The following ILKAP variants were observed in gnomAD, a reference collection of about 807,000 sequenced individuals.
ILKAP encodes the protein integrin-linked kinase-associated serine/threonine phosphatase 2C.
In ILKAP, 11 loss-of-function variants were observed where a neutral mutation model predicts 49.1. The ratio of observed to expected loss-of-function variants is 0.22; its 90% CI spans 0.14 to 0.37. ILKAP has a LOEUF of 0.37. ILKAP is among the 10% of genes least tolerant of loss of function. ILKAP has a pLI of 1.00. For missense variants in ILKAP, 363 were observed against 510.8 expected, an observed-to-expected ratio of 0.71 and a Z score of 2.79; for synonymous variants, 186 against 192.8, an observed-to-expected ratio of 0.96 and a Z score of 0.29.
intron 1 of ILKAP, among the ~76,000 whole-genome samples, chr2:238,197,290 A>C (rs1694383066): frequency 6.6e-6 from 1 of 152,198 alleles, no homozygotes; most frequent in African/African-American, 2.4e-5. Flanking sequence ...ACTTTTGCCC[A>C]AACATTGGGT....
At chr2:238,178,918 A>G (rs1469532276) in intron 9 of ILKAP, among the ~76,000 whole-genome samples, 1 of 152,182 alleles carries the variant, frequency 6.6e-6, no homozygotes, top group Non-Finnish European at 1.5e-5. Flanking sequence ...CAGCCTCCTG[A>G]GTAGGACCAC....
At chr2:238,192,205 A>AG (rs201939925) in intron 3 of ILKAP, among the ~76,000 whole-genome samples, 72 of 148,412 alleles carry the variant, frequency 4.9e-4, no homozygotes, top group Non-Finnish European at 9.9e-4. Flanking sequence ...GACTGTCTTA[A>AG]AAAAAAAAAA....
chr2:238,174,538 G>T (rs1693364413), intron 9 of ILKAP, among the ~76,000 whole-genome samples: 1 of 152,222 alleles, frequency 6.6e-6, no homozygotes, highest in South Asian at 2.1e-4. Context: ...GACCAAGCAA[G>T]TTCAGGAGAT....
intron 3 of ILKAP, among the ~76,000 whole-genome samples, chr2:238,190,180 G>T (rs1404174011): frequency 6.6e-6 from 1 of 152,118 alleles, no homozygotes; most frequent in African/African-American, 2.4e-5. Flanking sequence ...TTAAGATCCA[G>T]GCCCTGAGTC....
At chr2:238,179,818 A>C (rs955715293) in intron 9 of ILKAP, among the ~76,000 whole-genome samples, 6 of 151,902 alleles carry the variant, frequency 3.9e-5, no homozygotes, top group African/African-American at 9.7e-5. Flanking sequence ...ACACCGTAAA[A>C]AAATACGCAG....
intron 6 of ILKAP, among the ~76,000 whole-genome samples, chr2:238,184,372 T>C (rs1292661386): frequency 6.6e-6 from 1 of 152,084 alleles, no homozygotes; most frequent in African/African-American, 2.4e-5. Context: ...GTGTTTTTAG[T>C]AGAGACAGGG....
intron 4 of ILKAP, among the ~76,000 whole-genome samples, chr2:238,189,114 C>T (rs1049244518): frequency 6.6e-6 from 1 of 151,994 alleles, no homozygotes; most frequent in African/African-American, 2.4e-5. Context: ...GTCAGGAGAT[C>T]GAGAGCATCC....
Position 238,170,405 on chromosome 2 carries a change from G to T in ILKAP, c.*131C>A. The T allele has an allele frequency of 1.0e-6, 1 of 999,504 alleles. No individual in the cohort carries two copies. The highest frequency in any genetic ancestry group is 1.6e-5 in the African/African-American group (1 of 60,992). The allele number at this position is 999,504 out of a possible 1,614,324, so 61.9% of individuals were successfully genotyped here. On this transcript the variant is annotated 3_prime_UTR_variant, in exon 12 of 12. Coordinates refer to ENST00000254654, the MANE Select transcript of ILKAP (RefSeq NM_030768.3). The stretch of plus-strand genomic sequence containing the variant: ...ACAGTATAATAACTCAAAAGACTAG[G>T]AAAAAAAAAGAGAAACCTTTATTTA...
At chr2:238,203,178 C>T (rs1694647917) in intron 1 of ILKAP, among the ~76,000 whole-genome samples, 1 of 151,148 alleles carries the variant, frequency 6.6e-6, no homozygotes, top group South Asian at 2.1e-4. Context: ...CGTTCAGAGC[C>T]GGTCCCTCGG....
intron 4 of ILKAP, chr2:238,188,520 A>C: frequency 2.8e-6 from 1 of 351,762 alleles, no homozygotes; most frequent in Non-Finnish European, 5.3e-6. Context: ...AACTCTGTCT[A>C]GGGTGTAAGT....
intron 5 of ILKAP, among the ~76,000 whole-genome samples, chr2:238,187,780 C>T (rs562113414): frequency 1.3e-5 from 2 of 152,316 alleles, no homozygotes; most frequent in African/African-American, 2.4e-5. Flanking sequence ...TGCTATGAAG[C>T]GTCATCTCCC....
At chr2:238,191,719 C>T (rs952788897) in intron 3 of ILKAP, among the ~76,000 whole-genome samples, 3 of 151,836 alleles carry the variant, frequency 2.0e-5, no homozygotes, top group Non-Finnish European at 4.4e-5. Context: ...ACAAGCCTGA[C>T]CAACATGGCG....
intron 1 of ILKAP, among the ~76,000 whole-genome samples, chr2:238,200,600 C>G (rs1429088703): frequency 1.3e-5 from 2 of 152,174 alleles, no homozygotes; most frequent in African/African-American, 4.8e-5. Context: ...GTGGGCAGAA[C>G]ACTTGAGCCC....
intron 1 of ILKAP, among the ~76,000 whole-genome samples, chr2:238,198,011 T>C (rs1361295151): frequency 1.3e-5 from 2 of 152,190 alleles, no homozygotes; most frequent in African/African-American, 4.8e-5. Flanking sequence ...AGTGAGGTAC[T>C]ATGCTGCCTC....
rs562299507 is a variant in ILKAP at position 238,171,091 on chromosome 2, G to A, written c.957-67C>T. 10 of 1,012,526 alleles carry A rather than the reference G, an allele frequency of 9.9e-6. No individual in the cohort carries two copies. The African/African-American group carries it at 1.5e-4, about 15-fold the overall frequency. 62.7% of individuals were successfully genotyped at this position (1,012,526 alleles called of 1,614,324 possible). A position where few individuals can be genotyped will look rare whatever the true frequency, so the allele number is the denominator to read the frequency against. ...CCAAAAAATAAAAAATAAAAAAAGG[G>A]CCTGGAGATGGAGATAAAATAAATA... On this transcript the variant is annotated intron_variant, in intron 10 of 11. Coordinates refer to ENST00000254654, the MANE Select transcript of ILKAP (RefSeq NM_030768.3).
chr2:238,171,163 T>C (rs1225863237), intron 10 of ILKAP, 139 bp from the exon 11 acceptor site: 248 of 481,688 alleles, frequency 5.1e-4, no homozygotes, highest in Non-Finnish European at 6.6e-4. Context: ...CTTTTTTCTT[T>C]TTTTTTTTTT....
intron 9 of ILKAP, among the ~76,000 whole-genome samples, chr2:238,179,275 G>A (rs1487852814): frequency 6.6e-6 from 1 of 152,190 alleles, no homozygotes; most frequent in African/African-American, 2.4e-5. Context: ...AAGGAAGGAT[G>A]GAGGGAAAGA....
At position 238,199,780 on chromosome 2, in the gene ILKAP, T is replaced by C. The variant is rs139562472; in HGVS notation, c.55+3719A>G. On this transcript the variant is annotated intron_variant, in intron 1 of 11. Transcript: ENST00000254654. ...ACCTTTATGTTCAAATATTCTTCTT[T>C]TTTTTTTTTAATCGTAGAGACAGGG... Among the ~76,000 whole-genome samples, 834 of 151,980 alleles carry C rather than the reference T, an allele frequency of 5.5e-3. 4 individuals are homozygous for C. The highest frequency in any genetic ancestry group is 8.6e-3 in the Non-Finnish European group (585 of 67,914).
intron 10 of ILKAP, among the ~76,000 whole-genome samples, chr2:238,173,053 A>G (rs998334022): frequency 6.6e-6 from 1 of 152,146 alleles, no homozygotes; most frequent in Non-Finnish European, 1.5e-5. Flanking sequence ...GTAAAAACCT[A>G]TGATTCTCCA....
Sources: allele counts gnomAD v4.1 joint callset (sites outside exome capture counted in the v4.1 genomes callset), GRCh38; gene constraint gnomAD v4.1.1; transcripts MANE v1.5; gene names NCBI Gene and HGNC (gene_info 2026-07-23, HGNC 2026-07-21).